Variants in STK31 observed in about 807,000 individuals in gnomAD.
STK31 encodes the protein serine/threonine-protein kinase 31.
Under a neutral mutation model 129.7 loss-of-function variants are expected in STK31, and 89 were observed. That is an observed-to-expected ratio of 0.69 (90% confidence interval 0.58 to 0.82). The LOEUF is 0.82. STK31 is among the 40% of genes least tolerant of loss of function. The pLI, the probability that STK31 is intolerant of heterozygous loss-of-function variation, is 0.00. For missense variants in STK31, 1,187 were observed against 1,176.4 expected, an observed-to-expected ratio of 1.01 and a Z score of -0.13; for synonymous variants, 448 against 395.3, an observed-to-expected ratio of 1.13 and a Z score of -1.58.
Position 23,711,429 on chromosome 7 carries a change from GA to G in STK31, c.51-657del, listed in dbSNP as rs995172446. ...GACAGAGCAAGACTTCGTTTGGGGG[GA>G]AAAAAAAAAAAACCCATAAAAAATC... On this transcript the variant is annotated intron_variant, in intron 1 of 23. Transcript: ENST00000355870. 9.9e-3 allele frequency among the ~76,000 whole-genome samples: 1,245 copies of G among 125,624 alleles called. 8 individuals carry two copies. Among genetic ancestry groups the G allele is most frequent in the South Asian group, 0.024 (101 of 4,218 alleles). 82.4% of individuals were successfully genotyped at this position (125,624 alleles called of 152,430 possible). A position where few individuals can be genotyped will look rare whatever the true frequency, so the allele number is the denominator to read the frequency against.
intron 1 of STK31, 148 bp downstream of exon 1, chr7:23,710,483 G>T: frequency 6.6e-7 from 1 of 1,513,324 alleles, no homozygotes. Flanking sequence ...CCAGAGGGGT[G>T]CCAGATGCCC....
At position 23,754,480 on chromosome 7, in the gene STK31, T is replaced by C. The variant is rs764207877; in HGVS notation, c.1293+6T>C. The C allele has an allele frequency of 4.4e-6, 7 of 1,603,478 alleles. No homozygotes were observed. Among genetic ancestry groups the C allele is most frequent in the Non-Finnish European group, 5.9e-6 (7 of 1,177,150 alleles). On this transcript the variant is annotated splice_donor_region_variant and intron_variant, in intron 10 of 23. Coordinates refer to ENST00000355870, the MANE Select transcript of STK31 (RefSeq NM_031414.5). ...TTAAAACTTGTGAATATGTGGTGAG[T>C]TGGGAATTTTTCTCTATTGTGGTTT...
rs1788633230 is a variant in STK31 at position 23,750,229 on chromosome 7, G to T, written c.1018-2488G>T. On this transcript the variant is annotated intron_variant, in intron 8 of 23. Coordinates refer to ENST00000355870, the MANE Select transcript of STK31 (RefSeq NM_031414.5). ...CCTGGAGCTTTCAACTCTCAGTCGT[G>T]CCCACACCTAGTTTCCAGCAGTTTG... 2.0e-5 allele frequency among the ~76,000 whole-genome samples: 3 copies of T among 152,052 alleles called. 1 individual carries two copies. The South Asian group carries it at 6.2e-4, about 32-fold the overall frequency.
At chr7:23,816,759 T>C (rs1793492858) in intron 23 of STK31, among the ~76,000 whole-genome samples, 1 of 152,228 alleles carries the variant, frequency 6.6e-6, no homozygotes, top group African/African-American at 2.4e-5. Context: ...CAAAATCATA[T>C]AAGTGATATC....
At chr7:23,746,444 C>G (rs978297717) in intron 8 of STK31, among the ~76,000 whole-genome samples, 4 of 152,130 alleles carry the variant, frequency 2.6e-5, no homozygotes, top group African/African-American at 9.7e-5. Flanking sequence ...TGTTGAAGTC[C>G]CATTTCTCTC....
intron 11 of STK31, among the ~76,000 whole-genome samples, chr7:23,764,228 C>T (rs1189284937): frequency 1.3e-5 from 2 of 152,168 alleles, no homozygotes; most frequent in Non-Finnish European, 2.9e-5. Context: ...GCAGCTTCTA[C>T]TTTGTCCCTT....
Position 23,762,941 on chromosome 7 carries a change from A to G in STK31, c.1416+18A>G. The G allele has an allele frequency of 6.5e-7, 1 of 1,529,772 alleles. No homozygotes were observed. The highest frequency in any genetic ancestry group is 8.8e-7 in the Non-Finnish European group (1 of 1,138,732). 94.8% of individuals were successfully genotyped at this position (1,529,772 alleles called of 1,614,324 possible). On this transcript the variant is annotated intron_variant, in intron 11 of 23. Coordinates refer to ENST00000355870, the MANE Select transcript of STK31 (RefSeq NM_031414.5). ...CATTGCAGGTTGGAATTAAAAATAT[A>G]TTAAATATACGTTAAATTGTAAGTT...
At chr7:23,801,437 G>C (rs1167910631) in intron 22 of STK31, among the ~76,000 whole-genome samples, 1 of 151,980 alleles carries the variant, frequency 6.6e-6, no homozygotes, top group Non-Finnish European at 1.5e-5. Context: ...ATACATTCTA[G>C]ATAGAAGTCC....
chr7:23,740,923 T>G (rs1788019396), intron 8 of STK31, among the ~76,000 whole-genome samples: 1 of 152,220 alleles, frequency 6.6e-6, no homozygotes, highest in South Asian at 2.1e-4. Context: ...GCAAGATAAA[T>G]ACTTTATTCA....
At chr7:23,773,750 TG>T (rs1790351039) in intron 15 of STK31, among the ~76,000 whole-genome samples, 1 of 145,904 alleles carries the variant, frequency 6.9e-6, no homozygotes, top group African/African-American at 2.7e-5. Flanking sequence ...TGTGTGTGTG[TG>T]TGTGTATTTG....
intron 8 of STK31, among the ~76,000 whole-genome samples, chr7:23,739,511 C>T (rs558622051): frequency 1.3e-5 from 2 of 152,250 alleles, no homozygotes; most frequent in East Asian, 3.9e-4. Flanking sequence ...GCTCTTGTTC[C>T]CATTGCTTTT....
rs758383931 is a variant in STK31 at position 23,832,404 on chromosome 7, A to T, written c.*38A>T. 2.5e-6 allele frequency: 3 copies of T among 1,218,088 alleles called. No homozygotes were observed. The highest frequency in any genetic ancestry group is 2.8e-5 in the African/African-American group (1 of 35,156). The allele number at this position is 1,218,088 out of a possible 1,614,324, so 75.5% of individuals were successfully genotyped here. Reference sequence around the variant, plus strand: ...GTTGTTGCAGAGGTTCTTTTTAAAAACTTTGGTTTGGTTAATACACAGAAA... The same window carrying T: ...GTTGTTGCAGAGGTTCTTTTTAAAATCTTTGGTTTGGTTAATACACAGAAA... On this transcript the variant is annotated 3_prime_UTR_variant, in exon 24 of 24. Transcript: ENST00000355870.
intron 22 of STK31, among the ~76,000 whole-genome samples, chr7:23,809,177 G>T (rs552092083): frequency 6.6e-6 from 1 of 151,222 alleles, no homozygotes; most frequent in South Asian, 2.2e-4. Flanking sequence ...TAAGAGGAAA[G>T]GTTGATGTGA....
chr7:23,733,473 G>T (rs1007142271), intron 6 of STK31, among the ~76,000 whole-genome samples: 1 of 149,760 alleles, frequency 6.7e-6, no homozygotes, highest in African/African-American at 2.5e-5. Context: ...TGCCCCTTCA[G>T]ATGCATCCTT....
chr7:23,810,803 T>C (rs185124447), intron 22 of STK31, among the ~76,000 whole-genome samples: 16,711 of 137,934 alleles, frequency 0.12, 1,558 homozygotes, highest in African/African-American at 0.26. Context: ...TAAATATGTA[T>C]ATATATTTGT....
chr7:23,786,657 T>G (rs567088896), intron 19 of STK31, 24 bp downstream of exon 19: 1 of 1,597,818 alleles, frequency 6.3e-7, no homozygotes, highest in South Asian at 1.2e-5. Flanking sequence ...GCTAATCTCT[T>G]GCAGAAACCA....
At chr7:23,766,243 A>G (rs965214743) in intron 11 of STK31, among the ~76,000 whole-genome samples, 8 of 152,184 alleles carry the variant, frequency 5.3e-5, no homozygotes, top group South Asian at 2.1e-4. Flanking sequence ...ATAATAATCT[A>G]TTGTTTCATT....
At chr7:23,737,273 C>T (rs1182175860) in intron 8 of STK31, among the ~76,000 whole-genome samples, 195 bp downstream of exon 8, 1 of 152,104 alleles carries the variant, frequency 6.6e-6, no homozygotes, top group African/African-American at 2.4e-5. Flanking sequence ...TGGATGTTTG[C>T]AAATTTAATA....
Position 23,761,768 on chromosome 7 carries a change from A to G in STK31, c.1294-1033A>G, listed in dbSNP as rs141083813. The stretch of plus-strand genomic sequence containing the variant: ...ACTTGAGGTCTTTTCTTTTTTATTT[A>G]TAGTTTTAAAATAATCTGGTTGAGC... On this transcript the variant is annotated intron_variant, in intron 10 of 23. Transcript: ENST00000355870. Among the ~76,000 whole-genome samples the G allele has an allele frequency of 2.6e-3, 394 of 149,492 alleles. 9 individuals carry two copies. The highest frequency in any genetic ancestry group is 8.9e-3 in the African/African-American group (362 of 40,626).
Sources: allele counts gnomAD v4.1 joint callset (sites outside exome capture counted in the v4.1 genomes callset), GRCh38; gene constraint gnomAD v4.1.1; transcripts MANE v1.5; gene names NCBI Gene and HGNC (gene_info 2026-07-23, HGNC 2026-07-21).